The following RAD51B variants were observed in gnomAD, a reference collection of about 807,000 sequenced individuals.
The protein encoded by RAD51B is RAD51 paralog B.
A neutral mutation model predicts 42.2 loss-of-function variants in RAD51B; 38 were observed. The ratio of observed to expected loss-of-function variants is 0.90; its 90% CI spans 0.70 to 1.18. The LOEUF is 1.18. Ranked by LOEUF, RAD51B falls within the 50% of genes most tolerant of loss-of-function variation. The pLI is 0.00. For synonymous variants in RAD51B, 154 were observed against 145.2 expected, an observed-to-expected ratio of 1.06 and a Z score of -0.43; for missense variants, 373 against 400.7, an observed-to-expected ratio of 0.93 and a Z score of 0.59.
chr14:67,994,216 A>C (rs1386872687), intron 7 of RAD51B, among the ~76,000 whole-genome samples: 1 of 149,612 alleles, frequency 6.7e-6, no homozygotes, highest in African/African-American at 2.5e-5. Context: ...ATATACACTA[A>C]CCACTGTTTT....
At chr14:68,453,461 G>T (rs2085607462) in intron 9 of RAD51B, among the ~76,000 whole-genome samples, 1 of 152,180 alleles carries the variant, frequency 6.6e-6, no homozygotes, top group South Asian at 2.1e-4. Context: ...GACAAAAACA[G>T]CAGATTGGTT....
intron 7 of RAD51B, among the ~76,000 whole-genome samples, chr14:67,981,433 C>T (rs796336537): frequency 9.9e-5 from 15 of 152,164 alleles, no homozygotes; most frequent in African/African-American, 3.6e-4. Context: ...ATATACCCAC[C>T]GTACTCTTCA....
chr14:68,187,170 TAA>T (rs2079174979), intron 7 of RAD51B, among the ~76,000 whole-genome samples: 1 of 151,974 alleles, frequency 6.6e-6, no homozygotes, highest in Non-Finnish European at 1.5e-5. Context: ...CTCAAGAACA[TAA>T]AGATGGCAAC....
chr14:67,883,645 C>T (rs1331225509), intron 5 of RAD51B, among the ~76,000 whole-genome samples: 8 of 152,128 alleles, frequency 5.3e-5, no homozygotes, highest in Non-Finnish European at 1.2e-4. Context: ...TAGCGCTAGC[C>T]CCACCTGTCA....
intron 7 of RAD51B, among the ~76,000 whole-genome samples, chr14:68,185,617 C>A (rs1024213920): frequency 6.6e-6 from 1 of 152,082 alleles, no homozygotes; most frequent in African/African-American, 2.4e-5. Context: ...TGGTCCCCAA[C>A]CTTTTTTTGA....
At chr14:67,839,626 G>A (rs1296698485) in intron 4 of RAD51B, among the ~76,000 whole-genome samples, 1 of 151,732 alleles carries the variant, frequency 6.6e-6, no homozygotes, top group Non-Finnish European at 1.5e-5. Flanking sequence ...AAAGAACTCT[G>A]CATTTTGTTG....
chr14:68,446,312 T>C (rs752660903), intron 9 of RAD51B, among the ~76,000 whole-genome samples: 2 of 152,244 alleles, frequency 1.3e-5, no homozygotes, highest in Non-Finnish European at 2.9e-5. Flanking sequence ...AAGTGACTTG[T>C]AGCTACTAGT....
chr14:68,414,404 T>C (rs1006947675), intron 9 of RAD51B, among the ~76,000 whole-genome samples: 6 of 152,184 alleles, frequency 3.9e-5, no homozygotes, highest in African/African-American at 1.4e-4. Context: ...TTTTGCAACA[T>C]TTTTATTCTT....
chr14:68,665,167 A>AAGGCTTTTGTTG (rs1320183754), intron 11 of RAD51B, among the ~76,000 whole-genome samples: 35 of 152,280 alleles, frequency 2.3e-4, no homozygotes, highest in Admixed American at 2.1e-3. Flanking sequence ...TTGGCAAGAC[A>AAGGCTTTTGTTG]GCAAGGAGAA....
intron 7 of RAD51B, among the ~76,000 whole-genome samples, chr14:68,040,942 G>A (rs1212684130): frequency 3.9e-5 from 6 of 152,192 alleles, no homozygotes; most frequent in Admixed American, 3.9e-4. Context: ...GAAGATGGGT[G>A]ACTGGGTCAT....
chr14:68,163,323 A>T (rs1302252183), intron 7 of RAD51B, among the ~76,000 whole-genome samples: 1 of 152,230 alleles, frequency 6.6e-6, no homozygotes, highest in Non-Finnish European at 1.5e-5. Context: ...GCATGGAATT[A>T]CAAGTCCATT....
chr14:68,037,210 C>T (rs1163699424), intron 7 of RAD51B, among the ~76,000 whole-genome samples: 10 of 104,840 alleles, frequency 9.5e-5, no homozygotes, highest in South Asian at 4.3e-4. Context: ...CTTTCCCCTC[C>T]CCTCCTCTCC....
rs144828371 is a variant in RAD51B at position 67,861,017 on chromosome 14, G to A, written c.316-3986G>A. ...AAGACCATCCTGGGCAACATAGTGA[G>A]ACCTTGCCACTACAAAAAATAAAAA... On this transcript the variant is annotated intron_variant, in intron 4 of 10. Coordinates refer to ENST00000471583, the MANE Select transcript of RAD51B (RefSeq NM_133510.4). Among the ~76,000 whole-genome samples, 11 of 151,894 alleles carry A rather than the reference G, an allele frequency of 7.2e-5. No individual in the cohort carries two copies. In the East Asian group the frequency reaches 2.1e-3, roughly 30 times the overall value.
intron 5 of RAD51B, among the ~76,000 whole-genome samples, chr14:67,876,315 C>T (rs112349879): frequency 0.011 from 1,611 of 152,152 alleles, 30 homozygotes; most frequent in African/African-American, 0.037. Context: ...TTACATTAAG[C>T]GTATGTTTTA....
At position 68,124,577 on chromosome 14, in the gene RAD51B, A is replaced by G. The variant is rs112089236; in HGVS notation, c.757-167307A>G. On this transcript the variant is annotated intron_variant, in intron 7 of 10. Transcript: ENST00000471583. ...TATTTTCGTTCATTTTGATTAGTAC[A>G]TAGGCCTCACAAGCTATTAAGGAGA... Among the ~76,000 whole-genome samples, 7 of 152,208 alleles carry G rather than the reference A, an allele frequency of 4.6e-5. No homozygotes were observed. The East Asian group carries it at 1.3e-3, about 29-fold the overall frequency.
At chr14:68,502,022 C>T (rs1020410418) in intron 10 of RAD51B, among the ~76,000 whole-genome samples, 4 of 152,204 alleles carry the variant, frequency 2.6e-5, no homozygotes, top group South Asian at 2.1e-4. Flanking sequence ...TGCCACAGCC[C>T]GGTCACCTTT....
At chr14:68,004,868 T>C (rs2140318011) in intron 7 of RAD51B, among the ~76,000 whole-genome samples, 1 of 152,180 alleles carries the variant, frequency 6.6e-6, no homozygotes, top group African/African-American at 2.4e-5. Context: ...CAGAATGCTT[T>C]TTTTTTGGTA....
At chr14:68,469,024 A>G (rs758341010) in intron 10 of RAD51B, 11 of 439,934 alleles carry the variant, frequency 2.5e-5, no homozygotes, top group Non-Finnish European at 2.9e-5. Flanking sequence ...CAGATGTACA[A>G]AACTGCTTTG....
chr14:67,986,318 C>T (rs2075191928), intron 7 of RAD51B, among the ~76,000 whole-genome samples: 1 of 152,162 alleles, frequency 6.6e-6, no homozygotes, highest in Admixed American at 6.5e-5. Context: ...GATTAATTAA[C>T]TCTCAGTGAT....
Sources: gnomAD v4.1 joint callset for allele counts (sites outside exome capture counted in the v4.1 genomes callset) on GRCh38, gnomAD v4.1.1 for gene constraint, MANE v1.5 for transcripts, NCBI Gene and HGNC (gene_info 2026-07-23, HGNC 2026-07-21) for gene names.